The following MCTP1 variants were observed in gnomAD, a reference collection of about 807,000 sequenced individuals.
MCTP1 encodes the protein multiple C2 and transmembrane domain containing 1.
A neutral mutation model predicts 120.6 loss-of-function variants in MCTP1; 69 were observed. The observed-to-expected ratio is 0.57, with a 90% CI of 0.47 to 0.70. The LOEUF is 0.70. MCTP1 is among the 30% of genes least tolerant of loss of function. MCTP1 has a pLI of 0.00. For synonymous variants in MCTP1, 529 were observed against 493.1 expected (o/e 1.07, Z -0.96); for missense variants, 1,203 against 1,248.8 (o/e 0.96, Z 0.55).
chr5:94,821,584 T>A (rs1785662273), intron 17 of MCTP1, among the ~76,000 whole-genome samples: 1 of 152,168 alleles, frequency 6.6e-6, no homozygotes, highest in Non-Finnish European at 1.5e-5. Context: ...TACTTCCATA[T>A]TTTCCCAGTA....
intron 1 of MCTP1, among the ~76,000 whole-genome samples, chr5:95,160,695 C>T (rs1483986019): frequency 6.6e-6 from 1 of 151,000 alleles, no homozygotes; most frequent in Non-Finnish European, 1.5e-5. Flanking sequence ...AAAATATTTG[C>T]AAACCATATG....
At chr5:94,849,858 C>T (rs771345535) in intron 17 of MCTP1, among the ~76,000 whole-genome samples, 3 of 152,070 alleles carry the variant, frequency 2.0e-5, no homozygotes, top group Non-Finnish European at 2.9e-5. Flanking sequence ...AAATTCTTTG[C>T]CATTTAAAAA....
chr5:94,787,333 CT>C (rs1448863441), intron 18 of MCTP1, among the ~76,000 whole-genome samples: 3 of 152,126 alleles, frequency 2.0e-5, no homozygotes, highest in Non-Finnish European at 4.4e-5. Context: ...TCTTTATATG[CT>C]TTTATTGATA....
chr5:95,274,520 C>T (rs669335), intron 1 of MCTP1, among the ~76,000 whole-genome samples: 100,432 of 152,076 alleles, frequency 0.66, 33,582 homozygotes, highest in East Asian at 0.88. Context: ...TTTGACCTCT[C>T]CCTCTCCATA....
chr5:94,765,273 A>G (rs1180619571), intron 19 of MCTP1, among the ~76,000 whole-genome samples: 1 of 152,246 alleles, frequency 6.6e-6, no homozygotes, highest in Non-Finnish European at 1.5e-5. Context: ...TTATAGAAAT[A>G]AATGCCAATA....
chr5:94,871,475 AAT>A, intron 13 of MCTP1, 58 bp from the exon 14 acceptor site: 1 of 1,234,566 alleles, frequency 8.1e-7, no homozygotes, highest in Non-Finnish European at 1.2e-6. Flanking sequence ...CAACAACAAG[AAT>A]AGTTTTGAAA....
rs944821957 is a variant in MCTP1, at chr5:94,890,493, A to G, written c.1840-1521T>C. 2.0e-5 allele frequency among the ~76,000 whole-genome samples: 3 copies of G among 152,244 alleles called. No homozygotes were observed. The East Asian group carries it at 5.8e-4, about 29-fold the overall frequency. On this transcript the variant is annotated intron_variant, in intron 11 of 22. Transcript: ENST00000515393. Reference sequence around the variant, plus strand: ...TTTCTAGTATTTATTTCAAAAGACTACTGTAGTTCTACATAAGTAAAAGAC... The same window carrying G: ...TTTCTAGTATTTATTTCAAAAGACTGCTGTAGTTCTACATAAGTAAAAGAC...
intron 1 of MCTP1, among the ~76,000 whole-genome samples, chr5:95,029,143 G>A (rs1413295236): frequency 3.9e-5 from 5 of 127,270 alleles, no homozygotes; most frequent in African/African-American, 1.1e-4. Context: ...GTGACAGAGC[G>A]AGACTCCATC....
intron 17 of MCTP1, among the ~76,000 whole-genome samples, chr5:94,842,437 A>G (rs1791299722): frequency 6.6e-6 from 1 of 152,198 alleles, no homozygotes; most frequent in African/African-American, 2.4e-5. Context: ...AAATGCTAAC[A>G]TATGGATTGT....
chr5:95,023,836 T>C (rs1219509380), intron 1 of MCTP1, among the ~76,000 whole-genome samples: 1 of 152,208 alleles, frequency 6.6e-6, no homozygotes, highest in Admixed American at 6.5e-5. Flanking sequence ...CAAACTTGGT[T>C]CACCTCTGAA....
chr5:95,090,994 GC>G (rs1755802447), intron 1 of MCTP1, among the ~76,000 whole-genome samples: 1 of 152,170 alleles, frequency 6.6e-6, no homozygotes, highest in African/African-American at 2.4e-5. Flanking sequence ...TGTAGCCCCT[GC>G]CCACAAGGGG....
chr5:94,911,588 C>T (rs1395952454), intron 9 of MCTP1, among the ~76,000 whole-genome samples: 1 of 152,146 alleles, frequency 6.6e-6, no homozygotes. Context: ...TTGTAAGTTT[C>T]CTGAGGCCTC....
chr5:95,093,601 A>G (rs1756010054), intron 1 of MCTP1, among the ~76,000 whole-genome samples: 1 of 152,114 alleles, frequency 6.6e-6, no homozygotes, highest in African/African-American at 2.4e-5. Context: ...CTTGGGGGAG[A>G]GGATAAATAT....
At chr5:95,215,352 G>A (rs1000236525) in intron 1 of MCTP1, among the ~76,000 whole-genome samples, 8 of 152,226 alleles carry the variant, frequency 5.3e-5, no homozygotes, top group African/African-American at 1.7e-4. Context: ...TAGCAATAAA[G>A]ATGGATTTTT....
chr5:95,201,475 T>G (rs796225074), intron 1 of MCTP1, among the ~76,000 whole-genome samples: 366 of 3,866 alleles, frequency 0.095, 5 homozygotes, highest in African/African-American at 0.23. Flanking sequence ...TTTTTTTTTT[T>G]TTTTTTTTTT....
intron 1 of MCTP1, among the ~76,000 whole-genome samples, chr5:95,149,916 G>C (rs73777312): frequency 6.6e-6 from 1 of 152,100 alleles, no homozygotes; most frequent in African/African-American, 2.4e-5. Context: ...CCATGTTACA[G>C]AACTTCTCCT....
chr5:95,049,463 G>T (rs1186438912), intron 1 of MCTP1, among the ~76,000 whole-genome samples: 2 of 152,042 alleles, frequency 1.3e-5, no homozygotes, highest in African/African-American at 4.8e-5. Flanking sequence ...AATAAGTGAA[G>T]TACCACCACA....
At chr5:94,909,929 A>G (rs965455886) in intron 9 of MCTP1, among the ~76,000 whole-genome samples, 2 of 152,064 alleles carry the variant, frequency 1.3e-5, no homozygotes, top group African/African-American at 4.8e-5. Flanking sequence ...TTAGACTTAT[A>G]GCACTGATGT....
At chr5:95,211,978 C>T (rs1396682590) in intron 1 of MCTP1, among the ~76,000 whole-genome samples, 1 of 152,048 alleles carries the variant, frequency 6.6e-6, no homozygotes, top group African/African-American at 2.4e-5. Context: ...AGAGCAAACA[C>T]ATTCAAAAGC....
Sources: gnomAD v4.1 joint callset for allele counts (sites outside exome capture counted in the v4.1 genomes callset) on GRCh38, gnomAD v4.1.1 for gene constraint, MANE v1.5 for transcripts, NCBI Gene and HGNC (gene_info 2026-07-23, HGNC 2026-07-21) for gene names.